Variants in TMEM163 observed in about 807,000 individuals in gnomAD.
TMEM163 encodes the protein transmembrane protein 163.
In TMEM163, 17 loss-of-function variants were observed where a neutral mutation model predicts 29.3. The observed-to-expected ratio is 0.58, with a 90% CI of 0.40 to 0.87. TMEM163 has a LOEUF of 0.87. TMEM163 is among the 40% of genes least tolerant of loss of function. The pLI is 0.00. For synonymous variants in TMEM163, 157 were observed against 160.6 expected (o/e 0.98, Z 0.17); for missense variants, 303 against 381.5 (o/e 0.79, Z 1.71).
intron 2 of TMEM163, among the ~76,000 whole-genome samples, chr2:134,629,301 T>C (rs1184356341): frequency 6.6e-6 from 1 of 152,230 alleles, no homozygotes; most frequent in Admixed American, 6.5e-5. Flanking sequence ...TGTGCATATC[T>C]GTAGGTGTAT....
intron 6 of TMEM163, 53 bp downstream of exon 6, chr2:134,466,061 T>C: frequency 3.0e-6 from 4 of 1,341,960 alleles, no homozygotes; most frequent in African/African-American, 2.9e-5. Context: ...AAACAGCATC[T>C]TCCTCCACTG....
At chr2:134,674,784 C>A (rs182473497) in intron 2 of TMEM163, among the ~76,000 whole-genome samples, 1 of 152,142 alleles carries the variant, frequency 6.6e-6, no homozygotes. Context: ...CACAATCTTG[C>A]GCAAAGGCCC....
Position 134,504,511 on chromosome 2 carries a change from G to A in TMEM163, c.459-1514C>T, listed in dbSNP as rs557183175. Among the ~76,000 whole-genome samples, 45 of 151,972 alleles carry A rather than the reference G, an allele frequency of 3.0e-4. 1 individual carries two copies. The highest frequency in any genetic ancestry group is 8.4e-4 in the African/African-American group (35 of 41,470). ...AGAACTCCACACTGCTGAAAAGTCC[G>A]CACAATTGACAGTGACAAGGACACA... On this transcript the variant is annotated intron_variant, in intron 4 of 7. Coordinates refer to ENST00000281924, the MANE Select transcript of TMEM163 (RefSeq NM_030923.5).
At chr2:134,630,272 C>A (rs1189499778) in intron 2 of TMEM163, among the ~76,000 whole-genome samples, 1 of 151,048 alleles carries the variant, frequency 6.6e-6, no homozygotes, top group African/African-American at 2.4e-5. Flanking sequence ...GTCTCTAGGA[C>A]AGGGTAGGTT....
At chr2:134,611,041 A>T (rs1389522419) in intron 2 of TMEM163, among the ~76,000 whole-genome samples, 3 of 152,246 alleles carry the variant, frequency 2.0e-5, no homozygotes, top group Non-Finnish European at 2.9e-5. Context: ...TAAATAACTG[A>T]AAGCAGATGT....
intron 2 of TMEM163, among the ~76,000 whole-genome samples, chr2:134,574,321 A>G (rs1168268872): frequency 4.6e-5 from 7 of 152,228 alleles, no homozygotes; most frequent in African/African-American, 1.7e-4. Flanking sequence ...GCACTTTGGG[A>G]GGCTGAGCCA....
At position 134,626,357 on chromosome 2, in the gene TMEM163, G is replaced by A. The variant is rs375718769; in HGVS notation, c.323-74266C>T. On this transcript the variant is annotated intron_variant, in intron 2 of 7. Coordinates refer to ENST00000281924, the MANE Select transcript of TMEM163 (RefSeq NM_030923.5). ...TGACCTCATGTGATCTGCCTGCCTC[G>A]GCCTCCCAAAGTGCTGGGATTACAG... Among the ~76,000 whole-genome samples the A allele has an allele frequency of 4.0e-5, 6 of 151,818 alleles. No homozygotes were observed. The East Asian group carries it at 5.8e-4, about 15-fold the overall frequency.
intron 5 of TMEM163, among the ~76,000 whole-genome samples, chr2:134,483,665 C>T (rs1679253171): frequency 1.3e-5 from 2 of 152,208 alleles, no homozygotes; most frequent in Admixed American, 1.3e-4. Context: ...GCCTTAAGAT[C>T]ACCCAGCTAG....
At chr2:134,638,454 G>A (rs1454166201) in intron 2 of TMEM163, among the ~76,000 whole-genome samples, 1 of 152,184 alleles carries the variant, frequency 6.6e-6, no homozygotes, top group Non-Finnish European at 1.5e-5. Context: ...GGGGCTGGCA[G>A]GATCACAGAC....
intron 4 of TMEM163, among the ~76,000 whole-genome samples, chr2:134,544,827 G>A (rs1680745072): frequency 6.6e-6 from 1 of 152,094 alleles, no homozygotes; most frequent in African/African-American, 2.4e-5. Context: ...CAGTTCCTCA[G>A]TGACTCTATC....
intron 2 of TMEM163, among the ~76,000 whole-genome samples, chr2:134,627,099 T>C (rs536048308): frequency 6.6e-6 from 1 of 152,370 alleles, no homozygotes; most frequent in East Asian, 1.9e-4. Context: ...TTGTATTTCT[T>C]TTCTTTCCAG....
intron 5 of TMEM163, chr2:134,467,973 C>T (rs2106474986): frequency 6.6e-6 from 1 of 152,302 alleles, no homozygotes; most frequent in Admixed American, 6.5e-5. Context: ...CAAACCAGGC[C>T]TCTTGACAAC....
chr2:134,642,774 G>A (rs878957786), intron 2 of TMEM163, among the ~76,000 whole-genome samples: 2 of 152,038 alleles, frequency 1.3e-5, no homozygotes, highest in African/African-American at 4.8e-5. Flanking sequence ...CAGACTCAAA[G>A]AGGATACTTC....
intron 2 of TMEM163, among the ~76,000 whole-genome samples, chr2:134,661,295 C>T (rs555974627): frequency 4.6e-5 from 7 of 152,308 alleles, no homozygotes; most frequent in East Asian, 1.9e-4. Flanking sequence ...GCTACCACAA[C>T]GGAGCAAATA....
At chr2:134,516,724 T>C (rs1159269755) in intron 4 of TMEM163, among the ~76,000 whole-genome samples, 1 of 116,320 alleles carries the variant, frequency 8.6e-6, no homozygotes, top group African/African-American at 3.3e-5. Flanking sequence ...TATATATTCA[T>C]ATATATGCAT....
In TMEM163 at chr2:134,458,254, G is replaced by A. The variant is rs563295589; in HGVS notation, c.668-81C>T. 8.6e-5 allele frequency: 133 copies of A among 1,538,326 alleles called. 1 individual carries two copies. In the Admixed American group the frequency reaches 1.8e-3, roughly 21 times the overall value. On this transcript the variant is annotated intron_variant, in intron 6 of 7. Coordinates refer to ENST00000281924, the MANE Select transcript of TMEM163 (RefSeq NM_030923.5). Reference sequence around the variant, plus strand: ...ACCCAAATGCCAGTCCTGCCTCCACGTAACTGGAGCATGTGCTGGGAGGAA... The same window carrying A: ...ACCCAAATGCCAGTCCTGCCTCCACATAACTGGAGCATGTGCTGGGAGGAA...
intron 2 of TMEM163, among the ~76,000 whole-genome samples, chr2:134,700,343 T>G (rs1288034097): frequency 1.3e-5 from 2 of 152,206 alleles, no homozygotes; most frequent in African/African-American, 4.8e-5. Context: ...AATTCTTACT[T>G]GTTTGTATTG....
At chr2:134,518,709 G>A (rs1574200211) in intron 4 of TMEM163, among the ~76,000 whole-genome samples, 1 of 152,086 alleles carries the variant, frequency 6.6e-6, no homozygotes, top group South Asian at 2.1e-4. Flanking sequence ...AGCTGCCTCT[G>A]CCTACAGAAG....
chr2:134,592,808 TAGAC>T (rs1038258774), intron 2 of TMEM163, among the ~76,000 whole-genome samples: 1 of 150,882 alleles, frequency 6.6e-6, no homozygotes, highest in Non-Finnish European at 1.5e-5. Context: ...TATAGATAGA[TAGAC>T]TATCTCTCCC....
Sources: gnomAD v4.1 joint callset for allele counts (sites outside exome capture counted in the v4.1 genomes callset) on GRCh38, gnomAD v4.1.1 for gene constraint, MANE v1.5 for transcripts, NCBI Gene and HGNC (gene_info 2026-07-23, HGNC 2026-07-21) for gene names.